KIR3DL1: variants seen among roughly 807,000 people sequenced by gnomAD.
The protein encoded by KIR3DL1 is killer cell immunoglobulin like receptor, three Ig domains and long cytoplasmic tail 1.
In KIR3DL1, 50 loss-of-function variants were observed where a neutral mutation model predicts 40.3. The ratio of observed to expected loss-of-function variants is 1.24; its 90% CI spans 0.99 to 1.57. The LOEUF (loss-of-function observed/expected upper bound fraction) is 1.57, where lower values mean the gene tolerates loss of function less well. KIR3DL1 is among the 40% of genes most tolerant of loss of function. The pLI is 0.00. For synonymous variants in KIR3DL1, 257 were observed against 207.2 expected (o/e 1.24, Z -2.07); for missense variants, 661 against 559.9 (o/e 1.18, Z -1.82).
At chr19:54,822,226 C>A (rs2148122965) in intron 5 of KIR3DL1, among the ~76,000 whole-genome samples, 1 of 151,404 alleles carries the variant, frequency 6.6e-6, no homozygotes, top group Admixed American at 6.6e-5. Flanking sequence ...CACCAGCAAC[C>A]CCTACACCCT....
In KIR3DL1 at chr19:54,821,981, G is replaced by A. The variant is rs540046542; in HGVS notation, c.949+123G>A. On this transcript the variant is annotated intron_variant, in intron 5 of 8. Coordinates refer to ENST00000391728, the Ensembl canonical transcript of KIR3DL1. Reference sequence around the variant, plus strand: ...GAGAAGACACAGCAGGTGTGAGGGCGGAGTCAGGGCGCAGGATGGCAGACA... The same window carrying A: ...GAGAAGACACAGCAGGTGTGAGGGCAGAGTCAGGGCGCAGGATGGCAGACA... 8.5e-5 allele frequency: 104 copies of A among 1,228,204 alleles called. 1 individual carries two copies. The highest frequency in any genetic ancestry group is 2.0e-4 in the Middle Eastern group (1 of 4,990). The allele number at this position is 1,228,204 out of a possible 1,614,324, so 76.1% of individuals were successfully genotyped here.
At chr19:54,829,851 G>C (rs1338263284) in intron 7 of KIR3DL1, 77 bp from the exon 8 acceptor site, 2 of 1,365,182 alleles carry the variant, frequency 1.5e-6, no homozygotes, top group Non-Finnish European at 2.0e-6. Flanking sequence ...GCCTCCCCCT[G>C]TTTGTTGGTA....
chr19:54,829,399 G>C, exon 7 of KIR3DL1: 1 of 1,507,200 alleles, frequency 6.6e-7, no homozygotes, highest in Non-Finnish European at 9.0e-7. Context: ...TGGGACCTCA[G>C]TGGTCATCAT....
chr19:54,828,281 G>A lies in KIR3DL1; in HGVS notation c.1001-1080G>A, dbSNP rs560200666. On this transcript the variant is annotated intron_variant, in intron 6 of 8. Coordinates refer to ENST00000391728, the Ensembl canonical transcript of KIR3DL1. The stretch of plus-strand genomic sequence containing the variant: ...AATGCAAGTTGTTTAACTCAAGAAT[G>A]CCGTGGATGTAGAAATCCTAAAGCA... Among the ~76,000 whole-genome samples, 12 of 151,328 alleles carry A rather than the reference G, an allele frequency of 7.9e-5. 1 individual carries two copies. The highest frequency in any genetic ancestry group is 2.9e-4 in the African/African-American group (12 of 40,846).
At chr19:54,826,229 A>C in intron 6 of KIR3DL1, among the ~76,000 whole-genome samples, 1 of 150,262 alleles carries the variant, frequency 6.7e-6, no homozygotes, top group Admixed American at 6.6e-5. Context: ...AGATGGTTAA[A>C]TGGGAGGACA....
intron 5 of KIR3DL1, 114 bp downstream of exon 5, chr19:54,821,972 T>A: frequency 7.6e-7 from 1 of 1,309,860 alleles, no homozygotes; most frequent in Non-Finnish European, 1.1e-6. Flanking sequence ...ACACAGCAGG[T>A]GTGAGGGCGG....
rs763946257 is a variant in KIR3DL1, at chr19:54,819,767, G to A, written c.410G>A (p.Gly137Glu). Residue 137 changes from glycine to glutamate, a missense_variant, in exon 4 of 9, where the codon GGA becomes GAA. Around this residue, in one of 3 missense-constraint regions of KIR3DL1, gnomAD observed 548 missense variants for 413.3 expected, o/e 1.33. Coordinates refer to ENST00000391728, the Ensembl canonical transcript of KIR3DL1. ...CACCCAGGTCCCCTGGTGAAATCAG[G>A]AGAGAGAGTCATCCTGCAATGTTGG... 2.8e-4 allele frequency: 448 copies of A among 1,610,606 alleles called. 2 individuals carry two copies. The highest frequency in any genetic ancestry group is 3.5e-4 in the Non-Finnish European group (414 of 1,178,632).
At position 54,818,607 on chromosome 19, in the gene KIR3DL1, G is replaced by C; in HGVS notation, c.355+8G>C. The stretch of plus-strand genomic sequence containing the variant: ...TGGTGATCATGGTCACAGGTCAGAG[G>C]CTTTCCGTCTGGGCTTCTCACTGTC... On this transcript the variant is annotated splice_region_variant and intron_variant, in intron 3 of 8. Coordinates refer to ENST00000391728, the Ensembl canonical transcript of KIR3DL1. 2 of 1,606,124 alleles carry C rather than the reference G, an allele frequency of 1.2e-6. No homozygotes were observed. The highest frequency in any genetic ancestry group is 1.7e-6 in the Non-Finnish European group (2 of 1,178,834).
At chr19:54,826,475 C>T (rs1425570073) in intron 6 of KIR3DL1, among the ~76,000 whole-genome samples, 1 of 141,124 alleles carries the variant, frequency 7.1e-6, no homozygotes, top group South Asian at 2.4e-4. Context: ...CCACCATGCC[C>T]GGCTAATTCT....
intron 3 of KIR3DL1, 24 bp downstream of exon 3, chr19:54,818,623 T>A (rs769541650): frequency 3.1e-6 from 5 of 1,598,376 alleles, no homozygotes; most frequent in Middle Eastern, 1.8e-4. Context: ...CGTCTGGGCT[T>A]CTCACTGTCC....
At chr19:54,819,748 G>A (rs2061533726) in exon 4 of KIR3DL1, 2 of 1,610,112 alleles carry the variant, frequency 1.2e-6, no homozygotes, top group South Asian at 1.1e-5. Context: ...GGCCCACCCA[G>A]GTCCCCTGGT....
At chr19:54,820,387 A>T (rs916015653) in intron 4 of KIR3DL1, among the ~76,000 whole-genome samples, 1 of 151,598 alleles carries the variant, frequency 6.6e-6, no homozygotes, top group African/African-American at 2.4e-5. Context: ...GAAGAACCCA[A>T]GGACACCCAT....
At chr19:54,824,973 T>C in intron 5 of KIR3DL1, 55 bp from the exon 6 acceptor site, 2 of 1,215,334 alleles carry the variant, frequency 1.6e-6, no homozygotes, top group Non-Finnish European at 2.4e-6. Context: ...AGATTTCCAT[T>C]GAGTAGAGGA....
In KIR3DL1 at chr19:54,818,769, A is replaced by G. The variant is rs368471883; in HGVS notation, c.355+170A>G. Among the ~76,000 whole-genome samples, 60 of 150,814 alleles carry G rather than the reference A, an allele frequency of 4.0e-4. 2 individuals are homozygous for G. Among genetic ancestry groups the G allele is most frequent in the East Asian group, 9.7e-4 (5 of 5,140 alleles). Reference sequence around the variant, plus strand: ...GTGGTGGGAAGAATCACTGTCCCCAATGATGGCTACATTGTAATCCCTGGA... The same window carrying G: ...GTGGTGGGAAGAATCACTGTCCCCAGTGATGGCTACATTGTAATCCCTGGA... On this transcript the variant is annotated intron_variant, in intron 3 of 8. Transcript: ENST00000391728.
At chr19:54,821,713 A>G in exon 5 of KIR3DL1, 1 of 1,609,074 alleles carries the variant, frequency 6.2e-7, no homozygotes, top group Non-Finnish European at 8.5e-7. Flanking sequence ...GGCTCCCTGC[A>G]GTGCGCAAGG....
At chr19:54,818,526 A>C in exon 3 of KIR3DL1, 4 of 1,611,484 alleles carry the variant, frequency 2.5e-6, no homozygotes, top group Non-Finnish European at 3.4e-6. Context: ...GGAACTACAC[A>C]TGTCGGGGTT....
rs759801371 is a variant in KIR3DL1 at position 54,829,941 on chromosome 19, G to T, written c.1119G>T (p.Met373Ile). The change falls in exon 8 of 9, where the codon ATG becomes ATT. Residue 373 changes from methionine (M) to isoleucine (I), a missense_variant. Around this residue, in one of 3 missense-constraint regions of KIR3DL1, gnomAD observed 107 missense variants for 129.4 expected, o/e 0.83. Transcript: ENST00000391728. ...CGTCTCCTACAGATGCTGCTGTAAT[G>T]GACCAAGAGCCTGCAGGGAACAGAA... The T allele has an allele frequency of 2.0e-6, 3 of 1,526,106 alleles. No individual in the cohort carries two copies. The East Asian group carries it at 7.0e-5, about 36-fold the overall frequency. 94.5% of individuals were successfully genotyped at this position (1,526,106 alleles called of 1,614,324 possible).
At chr19:54,828,342 A>G (rs1285510081) in intron 6 of KIR3DL1, among the ~76,000 whole-genome samples, 3 of 151,406 alleles carry the variant, frequency 2.0e-5, no homozygotes, top group African/African-American at 7.3e-5. Flanking sequence ...CAGTCTTCCC[A>G]GAGAAGACTC....
chr19:54,825,034 C>T, exon 6 of KIR3DL1: 2 of 1,509,558 alleles, frequency 1.3e-6, no homozygotes, highest in Non-Finnish European at 9.2e-7. Context: ...CTAGGAAACC[C>T]TTCAAGTAGT....
Sources: allele counts gnomAD v4.1 joint callset (sites outside exome capture counted in the v4.1 genomes callset), GRCh38; gene constraint gnomAD v4.1.1; regional missense constraint gnomAD v4.1.1; transcripts MANE v1.5; gene names NCBI Gene and HGNC (gene_info 2026-07-23, HGNC 2026-07-21).